The following CNBD1 variants were observed in gnomAD, a reference collection of about 807,000 sequenced individuals.
CNBD1 encodes cyclic nucleotide binding domain containing 1.
CNBD1 carries 71 observed loss-of-function variants against 54.4 expected under a neutral mutation model. The observed-to-expected ratio is 1.30, with a 90% CI of 1.08 to 1.59. The LOEUF (loss-of-function observed/expected upper bound fraction) is 1.59, where lower values mean the gene tolerates loss of function less well. CNBD1 is among the 40% of genes most tolerant of loss of function. CNBD1 has a pLI of 0.00. For synonymous variants in CNBD1, 182 were observed against 170.7 expected (o/e 1.07, Z -0.51); for missense variants, 659 against 518.0 (o/e 1.27, Z -2.64).
rs1809936784 is a variant in CNBD1, at chr8:87,335,900, G to T, written c.1043-15785G>T. 3.3e-5 allele frequency among the ~76,000 whole-genome samples: 5 copies of T among 152,132 alleles called. No homozygotes were observed. The South Asian group carries it at 1.0e-3, about 32-fold the overall frequency. On this transcript the variant is annotated intron_variant, in intron 8 of 10. Coordinates refer to ENST00000518476, the MANE Select transcript of CNBD1 (RefSeq NM_173538.3). ...CAGGAACTCTTGCAAGGCAGGCCTG[G>T]TGGTGATGAATTCCCTCAGCATTTG...
intron 5 of CNBD1, among the ~76,000 whole-genome samples, chr8:87,223,206 T>C (rs1476229683): frequency 1.3e-5 from 2 of 150,798 alleles, no homozygotes; most frequent in Non-Finnish European, 3.0e-5. Flanking sequence ...TTTTTGCTTT[T>C]TGGCTGAAGT....
chr8:87,199,621 AG>A (rs1813809743), intron 4 of CNBD1, among the ~76,000 whole-genome samples: 1 of 152,202 alleles, frequency 6.6e-6, no homozygotes, highest in African/African-American at 2.4e-5. Flanking sequence ...TATGCTGTAC[AG>A]TAGATTGCTA....
At chr8:87,206,193 G>A (rs973028963) in intron 5 of CNBD1, 55 bp downstream of exon 5, 40 of 1,341,786 alleles carry the variant, frequency 3.0e-5, no homozygotes, top group African/African-American at 4.5e-5. Context: ...CCACTGTTTC[G>A]AGTTCTTTAT....
intron 4 of CNBD1, among the ~76,000 whole-genome samples, chr8:87,178,274 C>A (rs752785106): frequency 6.6e-6 from 1 of 151,970 alleles, no homozygotes; most frequent in African/African-American, 2.4e-5. Flanking sequence ...TGAGTCCTGA[C>A]AAGAGTAGAG....
At chr8:86,988,893 G>A (rs1586182639) in intron 4 of CNBD1, among the ~76,000 whole-genome samples, 1 of 152,070 alleles carries the variant, frequency 6.6e-6, no homozygotes, top group African/African-American at 2.4e-5. Flanking sequence ...TTGTGTCCAG[G>A]TATCACATTT....
chr8:86,939,825 A>T, intron 4 of CNBD1, 71 bp downstream of exon 4: 2 of 1,016,602 alleles, frequency 2.0e-6, no homozygotes, highest in Non-Finnish European at 2.8e-6. Flanking sequence ...TTTAAAGTTT[A>T]TTGTTTGTGG....
chr8:87,224,892 A>G lies in CNBD1; in HGVS notation c.578-12027A>G, dbSNP rs367767296. ...ACCCATGAGCATGGAATGTTCTTCC[A>G]TTTGTTTGTATCCTCTATTATTTCA... On this transcript the variant is annotated intron_variant, in intron 5 of 10. Coordinates refer to ENST00000518476, the MANE Select transcript of CNBD1 (RefSeq NM_173538.3). Among the ~76,000 whole-genome samples, 42 of 152,132 alleles carry G rather than the reference A, an allele frequency of 2.8e-4. No individual in the cohort carries two copies. The South Asian group carries it at 5.0e-3, about 18-fold the overall frequency.
chr8:87,353,637 A>T lies in CNBD1; in HGVS notation c.1154A>T (p.Lys385Ile), dbSNP rs766694353. ...ATCAATAATATATTTTTTTAACAGA[A>T]AAGATCTCAAAAACTTGTTTATATG... ...GFVKLRSNKV[K>I]RSQKLVYMGK... The change falls in exon 10 of 11, where the codon AAA (lysine) becomes ATA (isoleucine). Residue 385 changes from lysine (K) to isoleucine (I), a missense_variant and splice_region_variant. Transcript: ENST00000518476. 3.6e-5 allele frequency: 56 copies of T among 1,566,362 alleles called. No individual in the cohort carries two copies. The highest frequency in any genetic ancestry group is 4.9e-5 in the Non-Finnish European group (56 of 1,151,624).
intron 4 of CNBD1, among the ~76,000 whole-genome samples, chr8:87,019,586 G>T (rs1207223000): frequency 1.3e-5 from 2 of 152,130 alleles, no homozygotes; most frequent in African/African-American, 4.8e-5. Flanking sequence ...CAGAGGAAAA[G>T]ATTAAATTTG....
chr8:87,266,195 T>C (rs775624586), intron 6 of CNBD1, among the ~76,000 whole-genome samples: 4 of 151,080 alleles, frequency 2.6e-5, no homozygotes, highest in Non-Finnish European at 1.5e-5. Context: ...GAAAAAAAAA[T>C]CCAAACAGGT....
intron 5 of CNBD1, among the ~76,000 whole-genome samples, chr8:87,225,248 C>G (rs1349454374): frequency 1.4e-5 from 2 of 145,858 alleles, no homozygotes; most frequent in African/African-American, 5.1e-5. Context: ...CTTCTCCTGC[C>G]TAATTGCCCT....
chr8:86,977,370 T>C (rs998713549), intron 4 of CNBD1, among the ~76,000 whole-genome samples: 2 of 152,138 alleles, frequency 1.3e-5, no homozygotes, highest in African/African-American at 4.8e-5. Context: ...TAAGTCTCTT[T>C]CCTGTTTTCA....
intron 8 of CNBD1, among the ~76,000 whole-genome samples, chr8:87,335,957 C>T (rs976777765): frequency 1.3e-5 from 2 of 152,114 alleles, no homozygotes; most frequent in African/African-American, 4.8e-5. Context: ...TTCTCCTTTG[C>T]TTCTGAAGCT....
intron 10 of CNBD1, among the ~76,000 whole-genome samples, chr8:87,360,490 TTTA>T (rs1470479930): frequency 6.6e-6 from 1 of 151,862 alleles, no homozygotes; most frequent in Non-Finnish European, 1.5e-5. Flanking sequence ...GAGAATGTAG[TTTA>T]TTATTATTTT....
intron 8 of CNBD1, among the ~76,000 whole-genome samples, chr8:87,335,051 G>A (rs1809915552): frequency 6.6e-6 from 1 of 152,090 alleles, no homozygotes; most frequent in African/African-American, 2.4e-5. Context: ...GTTCTAATTT[G>A]ATTGCACTAT....
At chr8:86,922,255 G>T (rs1050417305) in intron 3 of CNBD1, among the ~76,000 whole-genome samples, 2 of 151,978 alleles carry the variant, frequency 1.3e-5, no homozygotes, top group Non-Finnish European at 2.9e-5. Flanking sequence ...ACCTTTAAAT[G>T]ATCTCCCCCA....
rs1563570910 is a variant in CNBD1, at chr8:87,364,874, T to G, written c.1303+11088T>G. Among the ~76,000 whole-genome samples the G allele has an allele frequency of 3.3e-5, 5 of 152,276 alleles. No individual in the cohort carries two copies. The South Asian group carries it at 1.0e-3, about 32-fold the overall frequency. ...TCCATGGTGTATGTGTACCACAATT[T>G]CTTTATCCAGTCTATTGTAGATGGG... On this transcript the variant is annotated intron_variant, in intron 10 of 10. Coordinates refer to ENST00000518476, the MANE Select transcript of CNBD1 (RefSeq NM_173538.3).
chr8:87,247,303 C>T (rs1426657564), intron 6 of CNBD1, among the ~76,000 whole-genome samples: 1 of 152,154 alleles, frequency 6.6e-6, no homozygotes, highest in African/African-American at 2.4e-5. Context: ...GGGCTCTTTT[C>T]TGGTTTGGAA....
intron 10 of CNBD1, among the ~76,000 whole-genome samples, chr8:87,374,707 C>G (rs190815190): frequency 6.6e-6 from 1 of 151,760 alleles, no homozygotes; most frequent in Non-Finnish European, 1.5e-5. Flanking sequence ...TATGATTTTT[C>G]CATGATCTCA....
Sources: gnomAD v4.1 joint callset for allele counts (sites outside exome capture counted in the v4.1 genomes callset) on GRCh38, gnomAD v4.1.1 for gene constraint, MANE v1.5 for transcripts, NCBI Gene and HGNC (gene_info 2026-07-23, HGNC 2026-07-21) for gene names.